Variants in SLC5A10 observed in about 807,000 individuals in gnomAD.
The protein encoded by SLC5A10 is solute carrier family 5 member 10, also known as sodium/mannose cotransporter SLC5A10.
In SLC5A10, 55 loss-of-function variants were observed where a neutral mutation model predicts 68.9. The observed-to-expected ratio is 0.80, with a 90% CI of 0.64 to 1.00. The LOEUF (loss-of-function observed/expected upper bound fraction) is 1.00. SLC5A10 is among the 50% of genes least tolerant of loss of function. The pLI, the probability that SLC5A10 is intolerant of heterozygous loss-of-function variation, is 0.00. For synonymous variants in SLC5A10, 344 were observed against 344.8 expected, an observed-to-expected ratio of 1.00 and a Z score of 0.02; for missense variants, 732 against 819.3, an observed-to-expected ratio of 0.89 and a Z score of 1.30.
At chr17:18,998,445 G>A (rs1643909037) in intron 9 of SLC5A10, among the ~76,000 whole-genome samples, 1 of 152,232 alleles carries the variant, frequency 6.6e-6, no homozygotes, top group Non-Finnish European at 1.5e-5. Context: ...TCCAGGTCCA[G>A]CCACACCTAA....
intron 12 of SLC5A10, 51 bp from the exon 13 acceptor site, chr17:19,019,662 G>A (rs1273059304): frequency 1.2e-6 from 2 of 1,602,478 alleles, no homozygotes; most frequent in Non-Finnish European, 1.7e-6. Flanking sequence ...TGTGGGGGGA[G>A]CCTTGGTCCT....
At position 18,959,201 on chromosome 17, in the gene SLC5A10, G is replaced by C; in HGVS notation, c.250G>C (p.Ala84Pro). 6.2e-7 allele frequency: 1 copy of C among 1,613,310 alleles called. No individual in the cohort carries two copies. The highest frequency in any genetic ancestry group is 8.5e-7 in the Non-Finnish European group (1 of 1,179,956). The change falls in exon 3 of 15, where the codon GCG (alanine) becomes CCG (proline). Residue 84 changes from alanine to proline, a missense_variant. Transcript: ENST00000395645. ...GLFIGLAGSG[A>P]AGGLAVAGFE... Reference sequence around the variant, plus strand: ...CTTCATTGGACTGGCGGGCTCAGGCGCGGCAGGAGGTCTGGCCGTGGCAGG... The same window carrying C: ...CTTCATTGGACTGGCGGGCTCAGGCCCGGCAGGAGGTCTGGCCGTGGCAGG...
chr17:18,988,477 G>C (rs1259127104), intron 9 of SLC5A10: 1 of 1,589,420 alleles, frequency 6.3e-7, no homozygotes, highest in Non-Finnish European at 8.6e-7. Context: ...AGGGTGCCCT[G>C]GCAGAGCGCA....
In SLC5A10 at chr17:18,969,408, T is replaced by C; in HGVS notation, c.626T>C (p.Ile209Thr). 1 of 1,613,750 alleles carries C rather than the reference T, an allele frequency of 6.2e-7. No homozygotes were observed. Among genetic ancestry groups the C allele is most frequent in the South Asian group, 1.1e-5 (1 of 91,080 alleles). ...CTCATCATGGTGGTGGGGGCTGTCA[T>C]CCTGACAATCAAAGGTGAGGACAGA... ...QTLIMVVGAV[I>T]LTIKAFDQIG... is the part of the protein sequence containing the mutation. The change falls in exon 7 of 15, where the codon ATC (isoleucine) becomes ACC (threonine). Residue 209 changes from isoleucine to threonine, a missense_variant. Physicochemically the swap from Ile to Thr is moderately conservative, Grantham distance 89 (BLOSUM62 -1). Transcript: ENST00000395645.
chr17:19,003,610 C>G lies in SLC5A10; in HGVS notation c.983-9800C>G. The G allele has an allele frequency of 6.2e-7, 1 of 1,611,608 alleles. No individual in the cohort carries two copies. Among genetic ancestry groups the G allele is most frequent in the South Asian group, 1.1e-5 (1 of 90,862 alleles). The stretch of plus-strand genomic sequence containing the variant: ...GCTGCATGTAGACGCTAGCCCGGGT[C>G]ACGCCGCGGTAGGCGATGGTGTCGG... On this transcript the variant is annotated intron_variant, in intron 9 of 14. Transcript: ENST00000395645. This position sits in a 1 kb window ranked among gnomAD's most constrained non-coding sequence, Gnocchi z 4.5.
intron 9 of SLC5A10, among the ~76,000 whole-genome samples, chr17:19,002,781 G>A (rs1292646759): frequency 6.6e-6 from 1 of 152,198 alleles, no homozygotes; most frequent in Non-Finnish European, 1.5e-5. Flanking sequence ...AGCCAAGAAT[G>A]GCCCCCCACA....
intron 9 of SLC5A10, chr17:18,977,410 T>C: frequency 1.5e-6 from 1 of 659,798 alleles, no homozygotes; most frequent in Non-Finnish European, 2.5e-6. Flanking sequence ...TGGCCTTCCA[T>C]ATGGCCCTGG....
intron 11 of SLC5A10, chr17:19,019,117 G>T (rs1309721598): frequency 8.1e-6 from 3 of 368,166 alleles, no homozygotes; most frequent in African/African-American, 6.3e-5. Context: ...TGCTTTGAAG[G>T]AGAGACAAGA....
chr17:18,997,935 G>C (rs2043609938), intron 9 of SLC5A10, among the ~76,000 whole-genome samples: 1 of 152,192 alleles, frequency 6.6e-6, no homozygotes, highest in African/African-American at 2.4e-5. Flanking sequence ...TTAGCTGTTA[G>C]CACTACCATG....
rs1273549928 is a variant in SLC5A10, at chr17:19,018,079, GTTAA to G, written c.1242-1340_1242-1337del. 1 of 152,432 alleles carries G rather than the reference GTTAA, an allele frequency of 6.6e-6. No individual in the cohort carries two copies. The highest frequency in any genetic ancestry group is 2.4e-5 in the African/African-American group (1 of 41,446). 9.4% of individuals were successfully genotyped at this position (152,432 alleles called of 1,614,324 possible). A position where few individuals can be genotyped will look rare whatever the true frequency, so the allele number is the denominator to read the frequency against. On this transcript the variant is annotated intron_variant, in intron 11 of 14. Transcript: ENST00000395645. This position sits in a 1 kb window ranked among gnomAD's most constrained non-coding sequence, Gnocchi z 4.2. ...CGCCCGCCTGCCTGCCTGGCTAGGGGTTAATTAGCCTTAATCAAGGTGGCACCTC... is the reference window on the plus strand; with the variant it reads ...CGCCCGCCTGCCTGCCTGGCTAGGGGTTAGCCTTAATCAAGGTGGCACCTC...
At chr17:18,983,928 T>TG (rs1272226559) in intron 9 of SLC5A10, among the ~76,000 whole-genome samples, 1 of 152,232 alleles carries the variant, frequency 6.6e-6, no homozygotes, top group Non-Finnish European at 1.5e-5. Flanking sequence ...GTGTGGGACC[T>TG]GTCCCCGGCA....
chr17:18,997,964 C>G (rs549299765), intron 9 of SLC5A10, among the ~76,000 whole-genome samples: 1 of 152,328 alleles, frequency 6.6e-6, no homozygotes, highest in Middle Eastern at 3.4e-3. Context: ...GAGGAAGGAA[C>G]AGAAGGTCAG....
intron 5 of SLC5A10, among the ~76,000 whole-genome samples, chr17:18,963,876 A>G (rs1372071074): frequency 6.6e-6 from 1 of 152,216 alleles, no homozygotes; most frequent in Non-Finnish European, 1.5e-5. Context: ...TGCCACTTGC[A>G]GTAAAGGTCC....
At chr17:18,959,693 G>C (rs1334778666) in intron 4 of SLC5A10, 30 bp downstream of exon 4, 1 of 1,611,952 alleles carries the variant, frequency 6.2e-7, no homozygotes, top group Non-Finnish European at 8.5e-7. Context: ...CTCCAGCTGG[G>C]GGGCTGGGCC....
chr17:19,006,121 T>C (rs2043883059), intron 9 of SLC5A10, among the ~76,000 whole-genome samples: 1 of 152,238 alleles, frequency 6.6e-6, no homozygotes, highest in Non-Finnish European at 1.5e-5. Context: ...GAAGGTTGTA[T>C]GCACCCAGTT....
chr17:18,991,208 G>T (rs1321690857), intron 9 of SLC5A10, among the ~76,000 whole-genome samples: 13 of 152,202 alleles, frequency 8.5e-5, no homozygotes, highest in Admixed American at 8.5e-4. Flanking sequence ...CCTTGTCTGA[G>T]CCCAGGACGG....
Position 19,015,182 on chromosome 17 carries a change from G to T in SLC5A10, c.1224G>T (p.Glu408Asp), listed in dbSNP as rs772179384. The T allele has an allele frequency of 6.3e-7, 1 of 1,594,284 alleles. No individual in the cohort carries two copies. The highest frequency in any genetic ancestry group is 1.1e-5 in the South Asian group (1 of 90,756). Reference sequence around the variant, plus strand: ...TGCGTCCCCGCTCCGGCGAGCGGGAGCTCCTGCTGGTGGGACGGTACGGGG... The same window carrying T: ...TGCGTCCCCGCTCCGGCGAGCGGGATCTCCTGCTGGTGGGACGGTACGGGG... ...RRLRPRSGER[E>D]LLLVGRLVIV... The change falls in exon 11 of 15, where the codon GAG (glutamate) becomes GAT (aspartate). Residue 408 changes from glutamate (E) to aspartate (D), a missense_variant. Glu to Asp is a conservative substitution (Grantham distance 45, BLOSUM62 2). Coordinates refer to ENST00000395645, the MANE Select transcript of SLC5A10 (RefSeq NM_001042450.4).
chr17:19,020,437 C>A lies in SLC5A10; in HGVS notation c.*6C>A, dbSNP rs1401590447. On this transcript the variant is annotated 3_prime_UTR_variant, in exon 15 of 15. Transcript: ENST00000395645. The stretch of plus-strand genomic sequence containing the variant: ...TTTATGCCTACTTCGCCTGACACTG[C>A]CATCCTGGACAGAAAGGCAGGAGCT... The A allele has an allele frequency of 1.9e-6, 3 of 1,612,910 alleles. No homozygotes were observed. The highest frequency in any genetic ancestry group is 2.5e-6 in the Non-Finnish European group (3 of 1,179,388).
chr17:19,019,210 A>G (rs1319569575), intron 11 of SLC5A10: 2 of 590,346 alleles, frequency 3.4e-6, no homozygotes, highest in South Asian at 2.2e-5. Context: ...TAGAGTCAGG[A>G]GCTGCACCTG....
Sources: gnomAD v4.1 joint callset for allele counts (sites outside exome capture counted in the v4.1 genomes callset) on GRCh38, gnomAD v4.1.1 for gene constraint, Gnocchi (gnomAD v3.1) non-coding constraint, MANE v1.5 for transcripts, NCBI Gene and HGNC (gene_info 2026-07-23, HGNC 2026-07-21) for gene names.